Variants in ZNF600 observed in about 807,000 individuals in gnomAD.
ZNF600 encodes the protein zinc finger protein 600.
In ZNF600, 4 loss-of-function variants were observed where a neutral mutation model predicts 7.3. That is an observed-to-expected ratio of 0.55 (90% CI 0.27 to 1.25). ZNF600 has a LOEUF of 1.25. Among genes scored for constraint, ZNF600 ranks in the 50% most tolerant of loss-of-function variants. The pLI, the probability that ZNF600 is intolerant of heterozygous loss-of-function variation, is 0.12. For missense variants in ZNF600, 911 were observed against 922.1 expected, an observed-to-expected ratio of 0.99 and a Z score of 0.16; for synonymous variants, 290 against 308.9, an observed-to-expected ratio of 0.94 and a Z score of 0.64.
chr19:52,798,129 C>T, the ZNF600 span: 1 of 157,654 alleles, frequency 6.3e-6, no homozygotes, highest in African/African-American at 2.4e-5. Flanking sequence ...ATCTCAAAAA[C>T]AAAAACAAAA....
chr19:52,795,627 C>T, the ZNF600 span, among the ~76,000 whole-genome samples: 1,336 of 152,162 alleles, frequency 8.8e-3, 14 homozygotes, highest in African/African-American at 0.03. Flanking sequence ...AGTGTAGGTG[C>T]GCCATCTCAG....
At chr19:52,776,320 T>C (rs1179706320) in intron 2 of ZNF600, among the ~76,000 whole-genome samples, 1 of 151,956 alleles carries the variant, frequency 6.6e-6, no homozygotes, top group Non-Finnish European at 1.5e-5. Context: ...GTGGAGAGAA[T>C]GTGACAAAGG....
the ZNF600 span, among the ~76,000 whole-genome samples, chr19:52,803,851 T>C: frequency 6.6e-6 from 1 of 152,052 alleles, no homozygotes; most frequent in African/African-American, 2.4e-5. Flanking sequence ...CCCAGGTACT[T>C]GGTAGTCTGA....
At chr19:52,799,772 G>A in the ZNF600 span, 5 of 1,613,926 alleles carry the variant, frequency 3.1e-6, no homozygotes, top group East Asian at 1.1e-4. Flanking sequence ...CATTACACTT[G>A]TAAGGTTTCT....
At chr19:52,829,266 C>A in the ZNF600 span, among the ~76,000 whole-genome samples, 1 of 149,588 alleles carries the variant, frequency 6.7e-6, no homozygotes, top group African/African-American at 2.5e-5. Flanking sequence ...GCACATTGTG[C>A]AGGTTAGTTA....
chr19:52,764,876 C>T (rs1334890030), exon 4 of ZNF600: 2 of 174,754 alleles, frequency 1.1e-5, no homozygotes, highest in African/African-American at 4.8e-5. Flanking sequence ...AAAGTACTAT[C>T]TCAAAAAAGA....
chr19:52,810,061 G>A, the ZNF600 span: 14 of 743,712 alleles, frequency 1.9e-5, no homozygotes, highest in Middle Eastern at 1.4e-3. Context: ...CCATGCCTGG[G>A]AGCTCCAGGA....
the ZNF600 span, among the ~76,000 whole-genome samples, chr19:52,832,681 A>G: frequency 4.6e-5 from 7 of 152,126 alleles, no homozygotes; most frequent in African/African-American, 1.7e-4. Context: ...AGTGGGGATT[A>G]CTTGAGCCAA....
At chr19:52,771,929 G>A (rs2062633300) in intron 3 of ZNF600, among the ~76,000 whole-genome samples, 1 of 152,108 alleles carries the variant, frequency 6.6e-6, no homozygotes, top group Admixed American at 6.5e-5. Context: ...AGCTATTTCT[G>A]ACAGAACAGT....
At chr19:52,799,755 C>A in the ZNF600 span, 1 of 1,614,004 alleles carries the variant, frequency 6.2e-7, no homozygotes, top group Non-Finnish European at 8.5e-7. Flanking sequence ...GAAGGTCTTG[C>A]CACACTCATT....
At chr19:52,800,579 A>C in the ZNF600 span, 1 of 1,612,780 alleles carries the variant, frequency 6.2e-7, no homozygotes, top group East Asian at 2.2e-5. Flanking sequence ...GGTATGAATT[A>C]TATGCAAAAG....
At chr19:52,819,717 A>G in the ZNF600 span, among the ~76,000 whole-genome samples, 5 of 142,978 alleles carry the variant, frequency 3.5e-5, 1 homozygote, top group Admixed American at 3.5e-4. Context: ...TTATCATCCC[A>G]TCCTTAAAAT....
At chr19:52,804,530 A>G in the ZNF600 span, among the ~76,000 whole-genome samples, 466 of 152,134 alleles carry the variant, frequency 3.1e-3, 2 homozygotes, top group African/African-American at 0.011. Context: ...GCCACCATAC[A>G]CAGCTAATTT....
chr19:52,789,016 C>T (rs951933557), upstream of ZNF600, among the ~76,000 whole-genome samples: 6 of 152,058 alleles, frequency 3.9e-5, no homozygotes, highest in African/African-American at 7.2e-5. Flanking sequence ...CAGTGAACAG[C>T]GAAGGAGCAA....
intron 3 of ZNF600, among the ~76,000 whole-genome samples, chr19:52,769,060 AGTG>A (rs2062611614): frequency 6.6e-6 from 1 of 152,184 alleles, no homozygotes; most frequent in Non-Finnish European, 1.5e-5. Flanking sequence ...TTGGTCTGGC[AGTG>A]ATGCCAGCGT....
the ZNF600 span, chr19:52,814,157 G>A: frequency 6.8e-6 from 1 of 146,798 alleles, no homozygotes. Context: ...TCCCCAGGGA[G>A]GCTGGAAGGA....
rs2062571294 is a variant in ZNF600, at chr19:52,766,066, T to C, written c.1897A>G (p.Ser633Gly). Residue 633 changes from serine to glycine, a missense_variant, in exon 4 of 4, where the codon AGT becomes GGT. Transcript: ENST00000648973. ...TGGTGAACAAGGGATGGCTTGTGAC[T>C]GAAGGTCTTGCCACACTCATTACAC... is the stretch of plus-strand genomic sequence containing the variant. The C allele has an allele frequency of 2.5e-6, 4 of 1,614,196 alleles. No homozygotes were observed. In the Middle Eastern group the frequency reaches 6.6e-4, roughly 266 times the overall value.
intron 1 of ZNF600, among the ~76,000 whole-genome samples, chr19:52,783,466 A>C (rs945033283): frequency 5.3e-5 from 8 of 151,988 alleles, no homozygotes; most frequent in African/African-American, 1.9e-4. Context: ...GGTTCATGTC[A>C]TTCTCCTGCC....
At chr19:52,765,183 C>CA (rs2062558627) in exon 4 of ZNF600, 2 of 466,424 alleles carry the variant, frequency 4.3e-6, no homozygotes, top group Non-Finnish European at 8.7e-6. Context: ...ACAGTTATCT[C>CA]AAAAATGAAT....
Sources: gnomAD v4.1 joint callset for allele counts (sites outside exome capture counted in the v4.1 genomes callset) on GRCh38, gnomAD v4.1.1 for gene constraint, MANE v1.5 for transcripts, NCBI Gene and HGNC (gene_info 2026-07-23, HGNC 2026-07-21) for gene names.